The following CLNK variants were observed in gnomAD, a reference collection of about 807,000 sequenced individuals.
CLNK encodes the protein cytokine dependent hematopoietic cell linker, also known as cytokine-dependent hematopoietic cell linker.
CLNK carries 74 observed loss-of-function variants against 68.6 expected under a neutral mutation model. That is an observed-to-expected ratio of 1.08 (90% CI 0.89 to 1.31). The LOEUF (loss-of-function observed/expected upper bound fraction) is 1.31, where lower values mean the gene tolerates loss of function less well. Ranked by LOEUF, CLNK falls within the 50% of genes most tolerant of loss-of-function variation. CLNK has a pLI of 0.00. For missense variants in CLNK, 553 were observed against 515.3 expected (o/e 1.07, Z -0.71); for synonymous variants, 198 against 172.2 (o/e 1.15, Z -1.17).
At chr4:10,496,809 C>T (rs1240992169) in intron 18 of CLNK, among the ~76,000 whole-genome samples, 1 of 152,138 alleles carries the variant, frequency 6.6e-6, no homozygotes, top group Admixed American at 6.5e-5. Context: ...TTACTTCATC[C>T]TCTTGGTTTA....
intron 18 of CLNK, among the ~76,000 whole-genome samples, chr4:10,495,933 A>C (rs971761056): frequency 7.2e-5 from 11 of 152,194 alleles, no homozygotes; most frequent in Non-Finnish European, 1.6e-4. Context: ...GGAAAGCTGG[A>C]AGAGGCCAGG....
At chr4:10,496,898 G>GGACAA in intron 18 of CLNK, among the ~76,000 whole-genome samples, 2 of 152,144 alleles carry the variant, frequency 1.3e-5, no homozygotes, top group African/African-American at 4.8e-5. Context: ...GGGTGCTCTT[G>GGACAA]AGCCCCTATG....
At chr4:10,723,706 TA>T in the CLNK span, among the ~76,000 whole-genome samples, 249 of 152,260 alleles carry the variant, frequency 1.6e-3, 7 homozygotes, top group East Asian at 0.031. Context: ...TAATCATGCC[TA>T]CCCCACACCA....
intron 7 of CLNK, among the ~76,000 whole-genome samples, chr4:10,562,096 CT>C (rs1267495962): frequency 2.7e-5 from 2 of 74,480 alleles, no homozygotes; most frequent in African/African-American, 4.6e-5. Context: ...TTTTCTTTTT[CT>C]TTTCTTTTTT....
At chr4:10,662,333 C>G (rs1456759122) in intron 2 of CLNK, among the ~76,000 whole-genome samples, 1 of 152,180 alleles carries the variant, frequency 6.6e-6, no homozygotes, top group Non-Finnish European at 1.5e-5. Flanking sequence ...TCTAAATCCC[C>G]TGGGGCCAGG....
At chr4:10,727,859 G>A in the CLNK span, among the ~76,000 whole-genome samples, 1 of 152,206 alleles carries the variant, frequency 6.6e-6, no homozygotes, top group Non-Finnish European at 1.5e-5. Flanking sequence ...TATAAGAAGT[G>A]CATATTCCTG....
chr4:10,608,586 C>T (rs1721876329), intron 2 of CLNK, among the ~76,000 whole-genome samples: 1 of 152,182 alleles, frequency 6.6e-6, no homozygotes, highest in African/African-American at 2.4e-5. Flanking sequence ...TTGACTATTC[C>T]TAAAAGGCTC....
chr4:10,522,394 T>G (rs1245623255), intron 14 of CLNK, among the ~76,000 whole-genome samples: 3 of 151,162 alleles, frequency 2.0e-5, no homozygotes, highest in African/African-American at 7.3e-5. Flanking sequence ...GATAACATGG[T>G]GAAACCCTGT....
intron 4 of CLNK, among the ~76,000 whole-genome samples, chr4:10,572,591 T>A (rs1720395333): frequency 1.3e-5 from 2 of 152,238 alleles, no homozygotes; most frequent in Admixed American, 1.3e-4. Flanking sequence ...TTTTTTAAAT[T>A]AAATTCTCTT....
At chr4:10,593,864 T>G (rs1331836439) in intron 3 of CLNK, among the ~76,000 whole-genome samples, 1 of 152,120 alleles carries the variant, frequency 6.6e-6, no homozygotes, top group East Asian at 1.9e-4. Flanking sequence ...GTGGATAGTG[T>G]GGTGACACTG....
At chr4:10,559,665 C>T (rs1262657339) in intron 7 of CLNK, among the ~76,000 whole-genome samples, 6 of 152,008 alleles carry the variant, frequency 3.9e-5, no homozygotes, top group Non-Finnish European at 7.4e-5. Flanking sequence ...GGATGGGGCT[C>T]CAAGTAGTCC....
chr4:10,704,507 C>G, the CLNK span, among the ~76,000 whole-genome samples: 29 of 152,128 alleles, frequency 1.9e-4, no homozygotes, highest in African/African-American at 6.3e-4. Context: ...CTCTGAACCC[C>G]TGGGGATGCT....
intron 2 of CLNK, among the ~76,000 whole-genome samples, chr4:10,655,334 CAGAGAGAGAGAG>C (rs148877353): frequency 2.2e-4 from 30 of 135,408 alleles, no homozygotes; most frequent in African/African-American, 7.0e-4. Flanking sequence ...CCCCCAAAGA[CAGAGAGAGAGAG>C]AGAGAGAGAG....
intron 1 of CLNK, among the ~76,000 whole-genome samples, chr4:10,675,223 G>T (rs1724820790): frequency 6.6e-6 from 1 of 152,048 alleles, no homozygotes; most frequent in Non-Finnish European, 1.5e-5. Context: ...AAGAAAACAG[G>T]GTTCTGCAGA....
chr4:10,568,997 G>A (rs1001466843), intron 5 of CLNK, among the ~76,000 whole-genome samples: 66 of 152,302 alleles, frequency 4.3e-4, no homozygotes, highest in African/African-American at 1.5e-3. Context: ...GTCTTAAAAT[G>A]TGACACTATC....
intron 17 of CLNK, among the ~76,000 whole-genome samples, chr4:10,506,115 T>G (rs1482455670): frequency 1.3e-5 from 2 of 152,222 alleles, no homozygotes; most frequent in Non-Finnish European, 2.9e-5. Context: ...TATAGTTCTC[T>G]GCACATAGTC....
chr4:10,567,131 GAA>G (rs61037076), intron 5 of CLNK, among the ~76,000 whole-genome samples: 57,862 of 110,634 alleles, frequency 0.52, 15,153 homozygotes, highest in Non-Finnish European at 0.62. Context: ...ACAATCTTGG[GAA>G]AAAAAAAAAA....
chr4:10,504,063 G>A (rs1176000115), intron 17 of CLNK, among the ~76,000 whole-genome samples: 3 of 149,924 alleles, frequency 2.0e-5, no homozygotes, highest in African/African-American at 7.4e-5. Context: ...TTATACGTGT[G>A]AGCCATCGCG....
intron 2 of CLNK, among the ~76,000 whole-genome samples, chr4:10,660,464 T>C (rs920869790): frequency 1.8e-4 from 28 of 152,364 alleles, no homozygotes; most frequent in Non-Finnish European, 3.1e-4. Context: ...CATTTAGTGG[T>C]AGTTTCTCTT....
Sources: gnomAD v4.1 joint callset for allele counts (sites outside exome capture counted in the v4.1 genomes callset) on GRCh38, gnomAD v4.1.1 for gene constraint, MANE v1.5 for transcripts, NCBI Gene and HGNC (gene_info 2026-07-23, HGNC 2026-07-21) for gene names.